Variants in MAP4K3 observed in about 807,000 individuals in gnomAD.
MAP4K3 encodes MAPK/ERK kinase kinase kinase 3.
In MAP4K3, 94 loss-of-function variants were observed where a neutral mutation model predicts 143.5. The observed-to-expected ratio is 0.65, with a 90% CI of 0.55 to 0.78. The LOEUF (loss-of-function observed/expected upper bound fraction) is 0.78. Ranked by LOEUF, MAP4K3 falls within the 30% of genes least tolerant of loss-of-function variation. The probability of loss-of-function intolerance (pLI) is 0.00; values close to 1 mark genes in which losing one functional copy is unlikely to be tolerated. For missense variants in MAP4K3, 1,077 were observed against 1,068.1 expected (o/e 1.01, Z -0.12); for synonymous variants, 416 against 347.2 (o/e 1.20, Z -2.20).
chr2:39,280,406 T>G lies in MAP4K3; in HGVS notation c.1630-50A>C, dbSNP rs746262626. The G allele has an allele frequency of 1.0e-5, 11 of 1,052,626 alleles. No homozygotes were observed. The East Asian group carries it at 2.4e-4, about 23-fold the overall frequency. The allele number at this position is 1,052,626 out of a possible 1,614,324, so 65.2% of individuals were successfully genotyped here. Reference sequence around the variant, plus strand: ...ATGAAACAGTGACAAGTAACAGTCTTTAATATATAAAATGTAACTATTATC... The same window carrying G: ...ATGAAACAGTGACAAGTAACAGTCTGTAATATATAAAATGTAACTATTATC... On this transcript the variant is annotated intron_variant, in intron 22 of 33. Coordinates refer to ENST00000263881, the MANE Select transcript of MAP4K3 (RefSeq NM_003618.4).
At position 39,425,381 on chromosome 2, in the gene MAP4K3, T is replaced by C. The variant is rs572296851; in HGVS notation, c.96+11511A>G. Reference sequence around the variant, plus strand: ...ATAATTAATAAAATGTAAAAAGCAATGCAATCTGCTACGGACTGAACTGTG... The same window carrying C: ...ATAATTAATAAAATGTAAAAAGCAACGCAATCTGCTACGGACTGAACTGTG... On this transcript the variant is annotated intron_variant, in intron 1 of 33. Coordinates refer to ENST00000263881, the MANE Select transcript of MAP4K3 (RefSeq NM_003618.4). Among the ~76,000 whole-genome samples, 7 of 152,260 alleles carry C rather than the reference T, an allele frequency of 4.6e-5. No homozygotes were observed. In the East Asian group the frequency reaches 9.6e-4, roughly 21 times the overall value.
chr2:39,302,768 G>A (rs1682558880), intron 15 of MAP4K3, among the ~76,000 whole-genome samples: 1 of 152,216 alleles, frequency 6.6e-6, no homozygotes, highest in African/African-American at 2.4e-5. Context: ...TTACACAGTA[G>A]AGTCAAATAA....
At chr2:39,315,186 C>T in intron 13 of MAP4K3, 124 bp downstream of exon 13, 1 of 599,684 alleles carries the variant, frequency 1.7e-6, no homozygotes, top group East Asian at 3.2e-5. Flanking sequence ...CCTAATTAAA[C>T]TTTACCTTTA....
In MAP4K3 at chr2:39,268,492, T is replaced by C. The variant is rs1342321215; in HGVS notation, c.1974-1245A>G. ...CCTGCCATCATGCTCAGCTAATTTT[T>C]GTATTTTTAGTAGAGACGGGGTTGT... is the stretch of plus-strand genomic sequence containing the variant. On this transcript the variant is annotated intron_variant, in intron 26 of 33. Transcript: ENST00000263881. 4.6e-5 allele frequency among the ~76,000 whole-genome samples: 7 copies of C among 151,984 alleles called. No individual in the cohort carries two copies. The South Asian group carries it at 1.0e-3, about 23-fold the overall frequency.
chr2:39,276,928 A>C (rs1681279999), intron 24 of MAP4K3, among the ~76,000 whole-genome samples: 1 of 152,190 alleles, frequency 6.6e-6, no homozygotes, highest in African/African-American at 2.4e-5. Context: ...TGATGGTGTA[A>C]TGGCTGCACA....
chr2:39,356,920 C>T (rs984082575), intron 2 of MAP4K3, among the ~76,000 whole-genome samples: 1 of 152,008 alleles, frequency 6.6e-6, no homozygotes, highest in African/African-American at 2.4e-5. Context: ...CCTTATACAC[C>T]AAGTGTGTCA....
chr2:39,310,997 G>A (rs1024248746), intron 13 of MAP4K3, among the ~76,000 whole-genome samples: 1 of 152,160 alleles, frequency 6.6e-6, no homozygotes, highest in Admixed American at 6.5e-5. Context: ...AAAAGAAGAT[G>A]ATTAACAAAA....
At position 39,342,739 on chromosome 2, in the gene MAP4K3, C is replaced by T. The variant is rs543338355; in HGVS notation, c.310+649G>A. ...GGCCCCACACTAGAAAATAGGAGCC[C>T]AAATTCTATGAAAAAATGAGAAAAA... On this transcript the variant is annotated intron_variant, in intron 4 of 33. Transcript: ENST00000263881. Among the ~76,000 whole-genome samples the T allele has an allele frequency of 2.0e-5, 3 of 151,824 alleles. 1 individual carries two copies. In the South Asian group the frequency reaches 6.3e-4, roughly 32 times the overall value.
In MAP4K3 at chr2:39,373,477, A is replaced by G. The variant is rs185741180; in HGVS notation, c.154+4589T>C. 7.2e-5 allele frequency among the ~76,000 whole-genome samples: 11 copies of G among 152,356 alleles called. No individual in the cohort carries two copies. In the East Asian group the frequency reaches 2.1e-3, roughly 29 times the overall value. On this transcript the variant is annotated intron_variant, in intron 2 of 33. Transcript: ENST00000263881. ...AAGGAAATGAGTATATCAAAGAGAG[A>G]TCTGCACTCCCATGTTTACTGCAGC... is the stretch of plus-strand genomic sequence containing the variant.
intron 2 of MAP4K3, among the ~76,000 whole-genome samples, chr2:39,358,497 T>C (rs950782830): frequency 2.6e-5 from 4 of 152,316 alleles, no homozygotes; most frequent in East Asian, 1.9e-4. Flanking sequence ...TTATTTCTAA[T>C]AGAATGTATT....
intron 27 of MAP4K3, 37 bp downstream of exon 27, chr2:39,267,152 T>C: frequency 6.3e-7 from 1 of 1,596,386 alleles, no homozygotes; most frequent in Non-Finnish European, 8.6e-7. Flanking sequence ...TTAGGAGGAG[T>C]CTCAGAGAGC....
At chr2:39,300,969 T>C (rs564387851) in intron 15 of MAP4K3, among the ~76,000 whole-genome samples, 2 of 152,374 alleles carry the variant, frequency 1.3e-5, no homozygotes, top group Non-Finnish European at 2.9e-5. Context: ...CTTGTTCAAA[T>C]GCCAACTGTT....
intron 3 of MAP4K3, among the ~76,000 whole-genome samples, chr2:39,347,987 T>C (rs1251697898): frequency 6.6e-6 from 1 of 152,014 alleles, no homozygotes. Flanking sequence ...CCTCTTCTGT[T>C]TGTCAATACT....
At chr2:39,263,557 G>C (rs1451470444) in intron 28 of MAP4K3, among the ~76,000 whole-genome samples, 1 of 151,944 alleles carries the variant, frequency 6.6e-6, no homozygotes, top group Admixed American at 6.6e-5. Flanking sequence ...GGGATTACAA[G>C]CGTGAGCCAC....
chr2:39,396,937 C>T (rs1020991501), intron 1 of MAP4K3, among the ~76,000 whole-genome samples: 13 of 152,030 alleles, frequency 8.6e-5, no homozygotes, highest in Non-Finnish European at 1.9e-4. Context: ...TCTAAAAGAC[C>T]ATTTGCTTTT....
chr2:39,343,667 T>C (rs1391354268), intron 3 of MAP4K3, among the ~76,000 whole-genome samples: 1 of 152,190 alleles, frequency 6.6e-6, no homozygotes, highest in African/African-American at 2.4e-5. Context: ...AATACACCAT[T>C]TGTTGGATAT....
At chr2:39,372,303 G>C (rs1666103895) in intron 2 of MAP4K3, among the ~76,000 whole-genome samples, 1 of 151,508 alleles carries the variant, frequency 6.6e-6, no homozygotes, top group Admixed American at 6.6e-5. Flanking sequence ...AAAAAAAATG[G>C]AAAGATATTC....
intron 4 of MAP4K3, among the ~76,000 whole-genome samples, chr2:39,338,141 A>G (rs1444562646): frequency 6.6e-6 from 1 of 152,170 alleles, no homozygotes; most frequent in Non-Finnish European, 1.5e-5. Context: ...ACAGAAAAGC[A>G]GCCTGATAAA....
At chr2:39,383,572 C>T (rs1360653693) in intron 1 of MAP4K3, among the ~76,000 whole-genome samples, 1 of 151,988 alleles carries the variant, frequency 6.6e-6, no homozygotes, top group East Asian at 1.9e-4. Flanking sequence ...ACATACATCC[C>T]TGGTTTACCC....
Sources: gnomAD v4.1 joint callset for allele counts (sites outside exome capture counted in the v4.1 genomes callset) on GRCh38, gnomAD v4.1.1 for gene constraint, MANE v1.5 for transcripts, NCBI Gene and HGNC (gene_info 2026-07-23, HGNC 2026-07-21) for gene names.